PPM1H: variants seen among roughly 807,000 people sequenced by gnomAD.
PPM1H encodes protein phosphatase, Mg2+/Mn2+ dependent 1H, also known as protein phosphatase 1H.
In PPM1H, 27 loss-of-function variants were observed where a neutral mutation model predicts 54.9. The ratio of observed to expected loss-of-function variants is 0.49; its 90% confidence interval spans 0.36 to 0.68. The LOEUF (loss-of-function observed/expected upper bound fraction) is 0.68. Among genes scored for constraint, PPM1H ranks in the 30% least tolerant of loss-of-function variants. The pLI is 0.00. For synonymous variants in PPM1H, 305 were observed against 270.8 expected (o/e 1.13, Z -1.24); for missense variants, 596 against 667.8 (o/e 0.89, Z 1.19).
At chr12:62,847,434 AT>A in intron 1 of PPM1H, among the ~76,000 whole-genome samples, 1 of 152,336 alleles carries the variant, frequency 6.6e-6, no homozygotes, top group Non-Finnish European at 1.5e-5. Flanking sequence ...GTAGAAACTT[AT>A]TTAATTCTGT....
chr12:62,697,829 A>G (rs1292736626), intron 6 of PPM1H, among the ~76,000 whole-genome samples: 1 of 152,170 alleles, frequency 6.6e-6, no homozygotes, highest in East Asian at 1.9e-4. Flanking sequence ...ATGACTGACC[A>G]GAGATTATAT....
rs971933980 is a variant in PPM1H at position 62,646,913 on chromosome 12, T to G, written c.*1576A>C. On this transcript the variant is annotated 3_prime_UTR_variant, in exon 10 of 10. Transcript: ENST00000228705. The stretch of plus-strand genomic sequence containing the variant: ...CTCTGGGAAGAAATTCAAACAAATA[T>G]GAGAACTGGAATTAGCTCTCTAGCA... 6.6e-6 allele frequency: 1 copy of G among 152,194 alleles called. No homozygotes were observed. Among genetic ancestry groups the G allele is most frequent in the African/African-American group, 2.4e-5 (1 of 41,448 alleles). 9.4% of individuals were successfully genotyped at this position (152,194 alleles called of 1,614,324 possible). A position where few individuals can be genotyped will look rare whatever the true frequency, so the allele number is the denominator to read the frequency against.
intron 1 of PPM1H, among the ~76,000 whole-genome samples, chr12:62,879,786 T>TA (rs1311202485): frequency 5.9e-5 from 9 of 151,832 alleles, no homozygotes; most frequent in Non-Finnish European, 8.8e-5. Flanking sequence ...ATTAAAAAAA[T>TA]AAAAAAAGAA....
chr12:62,931,161 C>A (rs572663429), intron 1 of PPM1H, among the ~76,000 whole-genome samples: 3 of 152,104 alleles, frequency 2.0e-5, no homozygotes, highest in Non-Finnish European at 4.4e-5. Context: ...ACTCATTGAC[C>A]AAAAGATGTC....
chr12:62,673,892 A>G (rs1592535935), intron 8 of PPM1H, among the ~76,000 whole-genome samples: 1 of 149,938 alleles, frequency 6.7e-6, no homozygotes, highest in South Asian at 2.1e-4. Context: ...ATACTTTTTT[A>G]CTTTTTGTAG....
At chr12:62,724,296 T>G (rs555710903) in intron 5 of PPM1H, among the ~76,000 whole-genome samples, 1 of 152,344 alleles carries the variant, frequency 6.6e-6, no homozygotes, top group East Asian at 1.9e-4. Context: ...GCATCAGCCA[T>G]GAATGGGTAA....
chr12:62,684,196 G>A (rs1473816258), intron 8 of PPM1H, among the ~76,000 whole-genome samples: 1 of 152,142 alleles, frequency 6.6e-6, no homozygotes, highest in Non-Finnish European at 1.5e-5. Context: ...CTGTAGGCTA[G>A]AGGGGAGTCA....
intron 1 of PPM1H, among the ~76,000 whole-genome samples, chr12:62,861,861 G>A (rs560168840): frequency 2.1e-4 from 32 of 152,320 alleles, no homozygotes; most frequent in African/African-American, 7.2e-4. Flanking sequence ...ATATGGCTCA[G>A]TGTTACCAAG....
chr12:62,840,757 A>C (rs777573205), intron 1 of PPM1H, among the ~76,000 whole-genome samples: 2 of 152,206 alleles, frequency 1.3e-5, no homozygotes, highest in African/African-American at 2.4e-5. Flanking sequence ...GAAATTTTAT[A>C]GGAGCTTTAT....
At chr12:62,876,534 A>G (rs565188399) in intron 1 of PPM1H, among the ~76,000 whole-genome samples, 28 of 152,354 alleles carry the variant, frequency 1.8e-4, no homozygotes, top group South Asian at 6.2e-4. Context: ...ACCATGACAC[A>G]CGAGGATGTT....
At chr12:62,820,621 C>A (rs970660438) in intron 2 of PPM1H, among the ~76,000 whole-genome samples, 22 of 152,178 alleles carry the variant, frequency 1.4e-4, no homozygotes, top group Non-Finnish European at 1.9e-4. Context: ...GATACCTAAG[C>A]AAATAGGGTC....
chr12:62,934,513 G>A lies in PPM1H; in HGVS notation c.224C>T (p.Pro75Leu). 1.1e-5 allele frequency: 17 copies of A among 1,547,988 alleles called. No homozygotes were observed. The highest frequency in any genetic ancestry group is 1.5e-5 in the Non-Finnish European group (17 of 1,146,810). ...TCACTCTGCGTAGCCAGTGGCCCAG[G>A]GCAGCCGCCGAGTCTCCTTGAGGAT... The part of the protein sequence containing the change: ...ILILKETRRL[P>L]WATGYAEVIN... The change falls in exon 1 of 10, where the codon CCC becomes CTC. Residue 75 changes from proline (P) to leucine (L), a missense_variant. Pro to Leu is a moderately conservative substitution (Grantham distance 98). Around this residue, in one of 3 missense-constraint regions of PPM1H, gnomAD observed 382 missense variants for 387.1 expected, o/e 0.99. Transcript: ENST00000228705. The surrounding 1 kb of genome is among the most constrained non-coding windows in gnomAD (Gnocchi z 4.2).
At chr12:62,804,492 T>C (rs1028263687) in intron 2 of PPM1H, among the ~76,000 whole-genome samples, 28 of 152,132 alleles carry the variant, frequency 1.8e-4, no homozygotes, top group Non-Finnish European at 3.4e-4. Context: ...CTTACAGTTA[T>C]TTCATATGAT....
intron 4 of PPM1H, among the ~76,000 whole-genome samples, chr12:62,775,433 T>A (rs2076604553): frequency 6.6e-6 from 1 of 152,200 alleles, no homozygotes; most frequent in Non-Finnish European, 1.5e-5. Context: ...AGAATTTGTG[T>A]AAGATTCTAC....
chr12:62,826,659 G>A (rs564777599), intron 2 of PPM1H, among the ~76,000 whole-genome samples: 8 of 152,258 alleles, frequency 5.3e-5, no homozygotes, highest in African/African-American at 1.9e-4. Flanking sequence ...CAAGGAAGGT[G>A]AAGATATATT....
intron 6 of PPM1H, among the ~76,000 whole-genome samples, chr12:62,719,150 G>GATAAGATAC (rs766787714): frequency 2.5e-4 from 38 of 152,100 alleles, no homozygotes; most frequent in Non-Finnish European, 5.0e-4. Context: ...AAGCCCCTTG[G>GATAAGATAC]CCTCTTATCT....
chr12:62,893,977 G>A (rs1256476119), intron 1 of PPM1H, among the ~76,000 whole-genome samples: 2 of 152,124 alleles, frequency 1.3e-5, no homozygotes, highest in African/African-American at 4.8e-5. Flanking sequence ...GGTGGAGAGA[G>A]AGGCTCAGCC....
intron 5 of PPM1H, among the ~76,000 whole-genome samples, chr12:62,727,710 G>A (rs1416924731): frequency 6.7e-6 from 1 of 149,570 alleles, no homozygotes; most frequent in East Asian, 2.0e-4. Context: ...GCCCAGGCCG[G>A]AATGCAGTGA....
intron 2 of PPM1H, among the ~76,000 whole-genome samples, chr12:62,806,188 T>A (rs1016027551): frequency 1.3e-5 from 2 of 152,026 alleles, no homozygotes; most frequent in Non-Finnish European, 1.5e-5. Context: ...TTTTTTTTTT[T>A]AATTGAAGCC....
Sources: gnomAD v4.1 joint callset for allele counts (sites outside exome capture counted in the v4.1 genomes callset) on GRCh38, gnomAD v4.1.1 for gene constraint, gnomAD v4.1.1 regional missense constraint, Gnocchi (gnomAD v3.1) non-coding constraint, MANE v1.5 for transcripts, NCBI Gene and HGNC (gene_info 2026-07-23, HGNC 2026-07-21) for gene names.